BLTP1: variants seen among roughly 807,000 people sequenced by gnomAD.
The protein encoded by BLTP1 is bridge-like lipid transfer protein family member 1, also known as fragile site-associated protein.
At chr4:122,281,628 T>C in the BLTP1 span, 1 of 1,613,542 alleles carries the variant, frequency 6.2e-7, no homozygotes, top group Non-Finnish European at 8.5e-7. Flanking sequence ...ACAAATGAAT[T>C]TCCTCAGCTA....
the BLTP1 span, chr4:122,184,901 G>A: frequency 8.1e-6 from 8 of 984,142 alleles, no homozygotes; most frequent in South Asian, 9.4e-5. Flanking sequence ...CATGAAATCT[G>A]CCCCTAATAT....
chr4:122,206,650 C>A, the BLTP1 span, among the ~76,000 whole-genome samples: 1 of 151,736 alleles, frequency 6.6e-6, no homozygotes, highest in African/African-American at 2.4e-5. Flanking sequence ...TAGGTCCTGA[C>A]AAATCTCATT....
chr4:122,245,161 T>C, the BLTP1 span: 14 of 1,586,532 alleles, frequency 8.8e-6, no homozygotes, highest in Non-Finnish European at 1.1e-5. Context: ...TTTAATTCAA[T>C]GGGCATAGCA....
the BLTP1 span, chr4:122,316,681 T>C: frequency 6.3e-7 from 1 of 1,578,176 alleles, no homozygotes; most frequent in Non-Finnish European, 8.6e-7. Context: ...TAGTATAGAT[T>C]TGCTGTGTGA....
chr4:122,249,822 G>A, the BLTP1 span: 224 of 1,410,108 alleles, frequency 1.6e-4, no homozygotes, highest in Non-Finnish European at 2.0e-4. Context: ...ATTATTTACC[G>A]GGGGTGAGTG....
At chr4:122,281,324 T>G in the BLTP1 span, 1 of 974,296 alleles carries the variant, frequency 1.0e-6, no homozygotes, top group Non-Finnish European at 1.2e-6. Context: ...ATTCTAAGAG[T>G]CTCATATTGT....
At chr4:122,178,400 C>T in the BLTP1 span, among the ~76,000 whole-genome samples, 206 of 152,318 alleles carry the variant, frequency 1.4e-3, 3 homozygotes, top group African/African-American at 4.6e-3. Flanking sequence ...AGAGCCTGGA[C>T]CTGCCCCTAA....
the BLTP1 span, among the ~76,000 whole-genome samples, chr4:122,153,745 T>C: frequency 3.9e-5 from 6 of 152,222 alleles, no homozygotes; most frequent in African/African-American, 1.2e-4. Context: ...GTTTTAAACA[T>C]AGGATTTGAT....
At chr4:122,257,578 T>C in the BLTP1 span, 1 of 1,293,254 alleles carries the variant, frequency 7.7e-7, no homozygotes, top group Non-Finnish European at 1.1e-6. Flanking sequence ...TTACTGTATG[T>C]TTTTTGCTTA....
the BLTP1 span, chr4:122,300,907 C>T: frequency 1.0e-6 from 1 of 966,730 alleles, no homozygotes; most frequent in Non-Finnish European, 1.2e-6. Context: ...CTGTATGCCA[C>T]ATTGCCCAGG....
chr4:122,178,365 G>A, the BLTP1 span, among the ~76,000 whole-genome samples: 1 of 152,176 alleles, frequency 6.6e-6, no homozygotes, highest in Admixed American at 6.5e-5. Flanking sequence ...TTGGTGAGCT[G>A]CAGAAGCAGC....
At chr4:122,193,925 G>C in the BLTP1 span, among the ~76,000 whole-genome samples, 1 of 151,680 alleles carries the variant, frequency 6.6e-6, no homozygotes, top group Non-Finnish European at 1.5e-5. Context: ...TGCAGTGGCG[G>C]GATCTCGGCT....
chr4:122,293,538 G>T, the BLTP1 span, among the ~76,000 whole-genome samples: 3 of 151,906 alleles, frequency 2.0e-5, no homozygotes, highest in Non-Finnish European at 4.4e-5. Flanking sequence ...GATTCCCCTT[G>T]TGAGTCCTAC....
chr4:122,289,270 G>A, the BLTP1 span: 1 of 1,023,526 alleles, frequency 9.8e-7, no homozygotes, highest in Non-Finnish European at 1.4e-6. Flanking sequence ...TATATCTGTG[G>A]TATAAGTATT....
the BLTP1 span, among the ~76,000 whole-genome samples, chr4:122,181,649 A>G: frequency 1.1e-4 from 17 of 151,642 alleles, no homozygotes; most frequent in African/African-American, 3.2e-4. Context: ...TTTGCAGCCT[A>G]TTCATTCCTC....
chr4:122,304,980 T>G, the BLTP1 span: 1 of 1,613,702 alleles, frequency 6.2e-7, no homozygotes, highest in Non-Finnish European at 8.5e-7. Flanking sequence ...TTGTCAAACA[T>G]CAGGTGAGTA....
the BLTP1 span, chr4:122,269,367 C>G: frequency 1.6e-5 from 16 of 970,644 alleles, no homozygotes; most frequent in Non-Finnish European, 1.8e-5. Context: ...TTCATTTGAG[C>G]ACACAAGTAA....
the BLTP1 span, chr4:122,235,161 CT>C: frequency 4.7e-5 from 41 of 864,342 alleles, no homozygotes; most frequent in Non-Finnish European, 6.2e-5. Context: ...TATAATCCAC[CT>C]TTGTTTTGCA....
the BLTP1 span, chr4:122,305,332 A>G: frequency 5.2e-6 from 5 of 961,112 alleles, no homozygotes; most frequent in Non-Finnish European, 6.2e-6. Flanking sequence ...CCTGTAGAAT[A>G]TTAGCAAGTT....
Sources: gnomAD v4.1 joint callset for allele counts (sites outside exome capture counted in the v4.1 genomes callset) on GRCh38, gnomAD v4.1.1 for gene constraint, MANE v1.5 for transcripts, NCBI Gene and HGNC (gene_info 2026-07-23, HGNC 2026-07-21) for gene names.